Variants in RC3H1 observed in about 807,000 individuals in gnomAD.
RC3H1 encodes roquin-1.
Under a neutral mutation model 138.2 loss-of-function variants are expected in RC3H1, and 50 were observed. That is an observed-to-expected ratio of 0.36 (90% CI 0.29 to 0.46). RC3H1 has a LOEUF of 0.46. Among genes scored for constraint, RC3H1 ranks in the 20% least tolerant of loss-of-function variants. The pLI is 1.00. For missense variants in RC3H1, 1,031 were observed against 1,388.1 expected (o/e 0.74, Z 4.09); for synonymous variants, 462 against 489.1 (o/e 0.94, Z 0.73).
intron 1 of RC3H1, among the ~76,000 whole-genome samples, chr1:173,999,021 G>C (rs1571237956): frequency 6.6e-6 from 1 of 151,932 alleles, no homozygotes; most frequent in Admixed American, 6.6e-5. Context: ...TTGATCCCAG[G>C]AGTTCAAGGT....
chr1:173,999,057 GCAC>G (rs1661511917), intron 1 of RC3H1, among the ~76,000 whole-genome samples: 1 of 151,364 alleles, frequency 6.6e-6, no homozygotes, highest in South Asian at 2.1e-4. Context: ...CCACACCACT[GCAC>G]TGCAGCCTGG....
intron 17 of RC3H1, among the ~76,000 whole-genome samples, chr1:173,945,226 G>A (rs1157201174): frequency 1.3e-5 from 2 of 151,724 alleles, no homozygotes; most frequent in Non-Finnish European, 2.9e-5. Context: ...CTGGGCTCAG[G>A]TGATCCTCCT....
At chr1:173,939,706 G>A (rs369339105) in intron 19 of RC3H1, among the ~76,000 whole-genome samples, 26 of 151,248 alleles carry the variant, frequency 1.7e-4, no homozygotes, top group Non-Finnish European at 2.8e-4. Context: ...GTGGTGGCAC[G>A]CGCCTGTAGT....
intron 2 of RC3H1, among the ~76,000 whole-genome samples, chr1:173,985,248 G>A (rs772461229): frequency 2.5e-4 from 38 of 152,152 alleles, no homozygotes; most frequent in Middle Eastern, 3.4e-3. Context: ...TGACTACTAC[G>A]AATAATGCTG....
At chr1:173,945,769 G>A (rs1334138453) in intron 17 of RC3H1, among the ~76,000 whole-genome samples, 2 of 151,674 alleles carry the variant, frequency 1.3e-5, no homozygotes, top group Non-Finnish European at 1.5e-5. Context: ...GTGCAATGGC[G>A]CAATCTTGGC....
rs546378347 is a variant in RC3H1, at chr1:173,934,882, G to C, written c.*3839C>G. Reference sequence around the variant, plus strand: ...TGAGCTCCATCCCTGAAGAACTCTGGAAAGTCTGATGGAGTTATATACTCA... The same window carrying C: ...TGAGCTCCATCCCTGAAGAACTCTGCAAAGTCTGATGGAGTTATATACTCA... On this transcript the variant is annotated 3_prime_UTR_variant, in exon 20 of 20. Transcript: ENST00000367696. 6.6e-6 allele frequency: 1 copy of C among 152,216 alleles called. No individual in the cohort carries two copies. Among genetic ancestry groups the C allele is most frequent in the African/African-American group, 2.4e-5 (1 of 41,532 alleles). The allele number at this position is 152,216 out of a possible 1,614,324, so 9.4% of individuals were successfully genotyped here.
In RC3H1 at chr1:173,935,196, G is replaced by A. The variant is rs1051408506; in HGVS notation, c.*3525C>T. The A allele has an allele frequency of 1.3e-5, 2 of 152,094 alleles. No homozygotes were observed. The highest frequency in any genetic ancestry group is 4.8e-5 in the African/African-American group (2 of 41,420). 9.4% of individuals were successfully genotyped at this position (152,094 alleles called of 1,614,324 possible). A position where few individuals can be genotyped will look rare whatever the true frequency, so the allele number is the denominator to read the frequency against. On this transcript the variant is annotated 3_prime_UTR_variant, in exon 20 of 20. Coordinates refer to ENST00000367696, the MANE Select transcript of RC3H1 (RefSeq NM_172071.4). ...ACTTCAGCCTCTGTACGTTATCTAA[G>A]ACAGGACAGTTACTGGACTTATCTT... is the stretch of plus-strand genomic sequence containing the variant.
intron 1 of RC3H1, among the ~76,000 whole-genome samples, chr1:174,019,460 C>T (rs1661919389): frequency 6.6e-6 from 1 of 152,144 alleles, no homozygotes; most frequent in African/African-American, 2.4e-5. Context: ...GGTTACATAG[C>T]TACTCTTAGC....
In RC3H1 at chr1:173,965,122, T is replaced by C. The variant is rs1181863054; in HGVS notation, c.1335-2A>G. The C allele has an allele frequency of 6.2e-7, 1 of 1,606,020 alleles. No homozygotes were observed. The highest frequency in any genetic ancestry group is 2.2e-5 in the East Asian group (1 of 44,826). ...AGGCGCTTATTCATTTTACGAAATC[T>C]ATATAAAAAGCATAGGCACATATCA... On this transcript the variant is annotated splice_acceptor_variant, in intron 9 of 19. Coordinates refer to ENST00000367696, the MANE Select transcript of RC3H1 (RefSeq NM_172071.4). LOFTEE classifies it high-confidence loss of function.
chr1:174,004,638 T>C lies in RC3H1; in HGVS notation c.-150-11503A>G, dbSNP rs556571510. ...CTGACCAACATGGTGGAACCCCATC[T>C]CTACTAAAAATACAAAAAAAAAAAA... On this transcript the variant is annotated intron_variant, in intron 1 of 19. Coordinates refer to ENST00000367696, the MANE Select transcript of RC3H1 (RefSeq NM_172071.4). Among the ~76,000 whole-genome samples the C allele has an allele frequency of 4.7e-3, 655 of 139,096 alleles. 5 individuals carry two copies. The highest frequency in any genetic ancestry group is 0.018 in the African/African-American group (616 of 33,604). The allele number at this position is 139,096 out of a possible 152,430, so 91.3% of individuals were successfully genotyped here.
intron 9 of RC3H1, among the ~76,000 whole-genome samples, chr1:173,965,812 T>C (rs1176169892): frequency 6.6e-6 from 1 of 152,078 alleles, no homozygotes; most frequent in Non-Finnish European, 1.5e-5. Flanking sequence ...ACAAAGCCAG[T>C]ATGCACTGTG....
chr1:173,979,852 G>A (rs943903376), intron 6 of RC3H1, among the ~76,000 whole-genome samples: 1 of 152,146 alleles, frequency 6.6e-6, no homozygotes, highest in African/African-American at 2.4e-5. Context: ...TTATAGAGCA[G>A]AGCAAACAAC....
chr1:173,960,523 C>T (rs1659826224), intron 13 of RC3H1, among the ~76,000 whole-genome samples: 1 of 152,014 alleles, frequency 6.6e-6, no homozygotes, highest in Non-Finnish European at 1.5e-5. Flanking sequence ...TTAAACTGGC[C>T]ACATATTACA....
chr1:174,009,786 C>T (rs181971349), intron 1 of RC3H1, among the ~76,000 whole-genome samples: 4 of 152,200 alleles, frequency 2.6e-5, no homozygotes, highest in East Asian at 1.9e-4. Flanking sequence ...TGCAGTGAGC[C>T]GAGATCGTGC....
At chr1:173,983,120 T>C in intron 4 of RC3H1, 1 of 477,196 alleles carries the variant, frequency 2.1e-6, no homozygotes, top group Non-Finnish European at 3.6e-6. Flanking sequence ...TTAATAAATT[T>C]AAGAAAAACT....
At chr1:174,014,262 C>T (rs1460092438) in intron 1 of RC3H1, among the ~76,000 whole-genome samples, 1 of 152,156 alleles carries the variant, frequency 6.6e-6, no homozygotes, top group East Asian at 1.9e-4. Context: ...ATAACCAACA[C>T]ACCACACTAA....
In RC3H1 at chr1:173,982,714, T is replaced by G; in HGVS notation, c.768+13A>C. The G allele has an allele frequency of 6.4e-7, 1 of 1,571,862 alleles. No individual in the cohort carries two copies. The highest frequency in any genetic ancestry group is 1.4e-5 in the African/African-American group (1 of 72,652). On this transcript the variant is annotated intron_variant, in intron 5 of 19. Coordinates refer to ENST00000367696, the MANE Select transcript of RC3H1 (RefSeq NM_172071.4). ...TATTTCCTTTCAAGCTGAGCTTTAA[T>G]GTAGGTTCATACCTTGAAACAGGAG...
Position 173,936,943 on chromosome 1 carries a change from A to T in RC3H1, c.*1778T>A, listed in dbSNP as rs1355160885. On this transcript the variant is annotated 3_prime_UTR_variant, in exon 20 of 20. Coordinates refer to ENST00000367696, the MANE Select transcript of RC3H1 (RefSeq NM_172071.4). ...TATATACAGATATAGCTATGTATAT[A>T]TGTATATATATAATATATATATAAA... is the stretch of plus-strand genomic sequence containing the variant. 6.8e-6 allele frequency: 1 copy of T among 147,442 alleles called. No homozygotes were observed. The highest frequency in any genetic ancestry group is 1.5e-5 in the Non-Finnish European group (1 of 66,882). 9.1% of individuals were successfully genotyped at this position (147,442 alleles called of 1,614,324 possible).
intron 1 of RC3H1, among the ~76,000 whole-genome samples, chr1:174,000,218 T>C (rs967668923): frequency 1.3e-5 from 2 of 152,232 alleles, no homozygotes; most frequent in Admixed American, 6.5e-5. Flanking sequence ...TGTAGAAACA[T>C]AGAAACTATT....
Sources: gnomAD v4.1 joint callset for allele counts (sites outside exome capture counted in the v4.1 genomes callset) on GRCh38, gnomAD v4.1.1 for gene constraint, MANE v1.5 for transcripts, NCBI Gene and HGNC (gene_info 2026-07-23, HGNC 2026-07-21) for gene names.